The following FAM153A variants were observed in gnomAD, a reference collection of about 807,000 sequenced individuals.
The protein encoded by FAM153A is protein FAM153A.
A neutral mutation model predicts 48.1 loss-of-function variants in FAM153A; 12 were observed. The ratio of observed to expected loss-of-function variants is 0.25; its 90% CI spans 0.16 to 0.40. FAM153A has a LOEUF of 0.40. FAM153A is among the 10% of genes least tolerant of loss of function. FAM153A has a pLI of 1.00. For synonymous variants in FAM153A, 36 were observed against 118.2 expected (o/e 0.30, Z 4.51); for missense variants, 111 against 345.8 (o/e 0.32, Z 5.38).
At chr5:177,724,074 C>T (rs764229429) in exon 21 of FAM153A, 5 of 1,610,622 alleles carry the variant, frequency 3.1e-6, no homozygotes, top group South Asian at 1.1e-5. Flanking sequence ...TTTCCTGGAG[C>T]ATGTTCTCAG....
At chr5:177,701,436 A>G in the FAM153A span, among the ~76,000 whole-genome samples, 2 of 151,668 alleles carry the variant, frequency 1.3e-5, no homozygotes, top group Non-Finnish European at 2.9e-5. Flanking sequence ...GTGGTGGTGC[A>G]CACCTATAAT....
downstream of FAM153A, among the ~76,000 whole-genome samples, chr5:177,709,467 T>A (rs1293169483): frequency 6.7e-6 from 1 of 150,210 alleles, no homozygotes; most frequent in Admixed American, 6.6e-5. Context: ...GTTCAAGCGA[T>A]TCTCCTGCCT....
Position 177,733,348 on chromosome 5 carries a change from G to A in FAM153A, c.760+1032C>T, listed in dbSNP as rs554607015. ...ACCCTCCATCATGCTAGGAAGGCAA[G>A]TGCTCGCCCTGCCTCTCAGACCCTA... On this transcript the variant is annotated intron_variant, in intron 14 of 20. Coordinates refer to ENST00000614127, the Ensembl canonical transcript of FAM153A. 2.1e-5 allele frequency among the ~76,000 whole-genome samples: 3 copies of A among 144,678 alleles called. 1 individual carries two copies. Among genetic ancestry groups the A allele is most frequent in the East Asian group, 4.6e-4 (2 of 4,354 alleles). 94.9% of individuals were successfully genotyped at this position (144,678 alleles called of 152,430 possible).
At chr5:177,760,218 G>A (rs1768183215) in intron 1 of FAM153A, among the ~76,000 whole-genome samples, 2 of 126,584 alleles carry the variant, frequency 1.6e-5, no homozygotes, top group African/African-American at 3.0e-5. Flanking sequence ...ATCTCTTAAT[G>A]CCAAATTGGG....
chr5:177,708,482 TAGG>T (rs1758054702), downstream of FAM153A, among the ~76,000 whole-genome samples: 1 of 151,378 alleles, frequency 6.6e-6, no homozygotes, highest in African/African-American at 2.4e-5. Context: ...GAGGCTGAAG[TAGG>T]AGAATCGCTT....
chr5:177,761,799 GAC>G (rs1211069919), intron 1 of FAM153A, among the ~76,000 whole-genome samples: 1 of 91,664 alleles, frequency 1.1e-5, no homozygotes, highest in Non-Finnish European at 2.2e-5. Context: ...CCCAACTGAG[GAC>G]ACACAGAGAA....
exon 21 of FAM153A, chr5:177,723,465 GGTTT>G (rs1761591761): frequency 6.6e-6 from 1 of 151,428 alleles, no homozygotes; most frequent in Non-Finnish European, 1.4e-5. Flanking sequence ...TGTCTTCAAG[GGTTT>G]GTTTTGTTGG....
At chr5:177,755,591 T>A (rs1767645752), upstream of FAM153A, among the ~76,000 whole-genome samples, 1 of 151,682 alleles carries the variant, frequency 6.6e-6, no homozygotes, top group African/African-American at 2.4e-5. Flanking sequence ...GAGACAAAGG[T>A]CGGGTTACCC....
exon 26 of FAM153A, chr5:177,713,785 C>G (rs1365189758): frequency 1.3e-5 from 2 of 151,890 alleles, no homozygotes; most frequent in African/African-American, 4.9e-5. Flanking sequence ...CCTTCCTGTT[C>G]ATGAATGGCA....
chr5:177,760,071 T>G (rs951086435), intron 1 of FAM153A, among the ~76,000 whole-genome samples: 33 of 149,714 alleles, frequency 2.2e-4, no homozygotes, highest in Non-Finnish European at 4.1e-4. Context: ...AAGGAACACA[T>G]ATTACCTGTG....
At chr5:177,725,534 A>C (rs1809895) in intron 18 of FAM153A, among the ~76,000 whole-genome samples, 2 of 151,778 alleles carry the variant, frequency 1.3e-5, no homozygotes, top group African/African-American at 4.9e-5. Context: ...TTAATCTGCA[A>C]GTGAGGCCAG....
the FAM153A span, among the ~76,000 whole-genome samples, chr5:177,694,797 A>G: frequency 3.7e-5 from 5 of 135,534 alleles, no homozygotes; most frequent in East Asian, 8.6e-4. Flanking sequence ...AGAAAGGAAA[A>G]CTTATAGCTT....
chr5:177,769,069 C>G (rs1286787581), intron 1 of FAM153A, among the ~76,000 whole-genome samples: 1 of 63,048 alleles, frequency 1.6e-5, no homozygotes, highest in Admixed American at 1.7e-4. Flanking sequence ...TAAAGAAATC[C>G]AAAAAAAAAA....
downstream of FAM153A, among the ~76,000 whole-genome samples, chr5:177,710,641 A>C (rs1220873502): frequency 2.1e-5 from 3 of 145,600 alleles, no homozygotes; most frequent in Middle Eastern, 3.4e-3. Flanking sequence ...GCTGGGTGCA[A>C]TGGCTCATGC....
chr5:177,716,819 G>A (rs1006619416), intron 24 of FAM153A, among the ~76,000 whole-genome samples: 1 of 151,734 alleles, frequency 6.6e-6, no homozygotes. Flanking sequence ...TCTTTTGTGA[G>A]ACAGGGTCTT....
intron 4 of FAM153A, among the ~76,000 whole-genome samples, chr5:177,746,104 C>T (rs1765946876): frequency 6.6e-6 from 1 of 151,582 alleles, no homozygotes; most frequent in Non-Finnish European, 1.5e-5. Flanking sequence ...TCACATGTGC[C>T]TCTTCCATTT....
downstream of FAM153A, among the ~76,000 whole-genome samples, chr5:177,705,539 G>C (rs1757798557): frequency 6.6e-6 from 1 of 150,390 alleles, no homozygotes; most frequent in Non-Finnish European, 1.5e-5. Context: ...TGCAAGAATA[G>C]ATTAACACAT....
chr5:177,781,313 C>T (rs1401051561), upstream of FAM153A, among the ~76,000 whole-genome samples: 3 of 130,980 alleles, frequency 2.3e-5, no homozygotes, highest in African/African-American at 8.8e-5. Flanking sequence ...GACAGGGTTT[C>T]ACCGTGTTTG....
At chr5:177,699,525 T>C in the FAM153A span, among the ~76,000 whole-genome samples, 1 of 152,072 alleles carries the variant, frequency 6.6e-6, no homozygotes, top group Non-Finnish European at 1.5e-5. Context: ...AATGAGAGTG[T>C]AGATGTTACT....
Sources: gnomAD v4.1 joint callset for allele counts (sites outside exome capture counted in the v4.1 genomes callset) on GRCh38, gnomAD v4.1.1 for gene constraint, MANE v1.5 for transcripts, NCBI Gene and HGNC (gene_info 2026-07-23, HGNC 2026-07-21) for gene names.